AKAP13: variants seen among roughly 807,000 people sequenced by gnomAD.
AKAP13 encodes the protein A-kinase anchoring protein 13.
Under a neutral mutation model 264.5 loss-of-function variants are expected in AKAP13, and 80 were observed. That is an observed-to-expected ratio of 0.30 (90% confidence interval 0.25 to 0.36). AKAP13 has a LOEUF of 0.36. Ranked by LOEUF, AKAP13 falls within the 10% of genes least tolerant of loss-of-function variation. AKAP13 has a pLI of 1.00. For synonymous variants in AKAP13, 1,380 were observed against 1,250.2 expected, an observed-to-expected ratio of 1.10 and a Z score of -2.19; for missense variants, 3,712 against 3,435.2, an observed-to-expected ratio of 1.08 and a Z score of -2.01.
chr15:85,662,269 G>T, intron 12 of AKAP13: 6 of 931,088 alleles, frequency 6.4e-6, no homozygotes, highest in South Asian at 3.1e-5. Context: ...TAAATTTTTT[G>T]TTGATCGCAT....
intron 12 of AKAP13, among the ~76,000 whole-genome samples, chr15:85,661,544 G>A (rs1485496539): frequency 1.3e-5 from 2 of 151,834 alleles, no homozygotes; most frequent in Non-Finnish European, 2.9e-5. Flanking sequence ...CATGGTGAAA[G>A]CCCATCTCTA....
At chr15:85,407,440 A>AT (rs900206915) in intron 1 of AKAP13, among the ~76,000 whole-genome samples, 1 of 151,524 alleles carries the variant, frequency 6.6e-6, no homozygotes, top group Non-Finnish European at 1.5e-5. Flanking sequence ...GGGTTTCACC[A>AT]TGTTGGCCAG....
At chr15:85,744,314 T>A in intron 36 of AKAP13, 1 of 351,574 alleles carries the variant, frequency 2.8e-6, no homozygotes, top group East Asian at 7.6e-5. Context: ...TGTACCACTT[T>A]TTCCCCTGAA....
intron 14 of AKAP13, among the ~76,000 whole-genome samples, chr15:85,678,117 C>G (rs1307668959): frequency 2.0e-5 from 3 of 152,116 alleles, no homozygotes; most frequent in African/African-American, 7.2e-5. Flanking sequence ...AAGAAATTCC[C>G]CCTTCATGAA....
chr15:85,617,256 G>T (rs202163175), intron 8 of AKAP13, among the ~76,000 whole-genome samples: 2 of 151,194 alleles, frequency 1.3e-5, no homozygotes, highest in African/African-American at 4.9e-5. Context: ...TTTGTTTTTT[G>T]TTTTTTGAGG....
intron 5 of AKAP13, 159 bp downstream of exon 5, chr15:85,544,114 G>A (rs756884514): frequency 5.2e-5 from 43 of 834,692 alleles, no homozygotes; most frequent in East Asian, 2.9e-4. Context: ...GCTTGCTCCT[G>A]CTAACCACTT....
chr15:85,639,398 A>G lies in AKAP13; in HGVS notation c.4186A>G (p.Ile1396Val), dbSNP rs759760018. 1.2e-6 allele frequency: 2 copies of G among 1,612,494 alleles called. No homozygotes were observed. The highest frequency in any genetic ancestry group is 1.1e-5 in the South Asian group (1 of 91,062). ...QAINRENWCT[I>V]EPCPDAASLL... ...GATAAACCGAGAAAACTGGTGTACA[A>G]TAGAGCCATGCCCTGATGCAGCATC... Residue 1396 changes from isoleucine to valine, a missense_variant, in exon 9 of 37, where the codon ATA (isoleucine) becomes GTA (valine). Coordinates refer to ENST00000394518, the MANE Select transcript of AKAP13 (RefSeq NM_007200.5).
At chr15:85,707,282 GGCCCT>G (rs2086345915) in intron 17 of AKAP13, among the ~76,000 whole-genome samples, 1 of 152,188 alleles carries the variant, frequency 6.6e-6, no homozygotes, top group Non-Finnish European at 1.5e-5. Context: ...TTACGTCAGT[GGCCCT>G]TGTAGGCCAA....
At chr15:85,730,753 G>T in intron 30 of AKAP13, 46 bp downstream of exon 30, 2 of 1,521,438 alleles carry the variant, frequency 1.3e-6, no homozygotes, top group Middle Eastern at 1.8e-4. Context: ...CTCCCAGAGT[G>T]GTTTACACAC....
intron 10 of AKAP13, among the ~76,000 whole-genome samples, chr15:85,652,067 C>G (rs2082882469): frequency 6.6e-6 from 1 of 152,166 alleles, no homozygotes; most frequent in Non-Finnish European, 1.5e-5. Context: ...GAACTTTATT[C>G]TTACCAGATA....
In AKAP13 at chr15:85,735,084, G is replaced by C; in HGVS notation, c.7375G>C (p.Val2459Leu). 1 of 1,614,202 alleles carries C rather than the reference G, an allele frequency of 6.2e-7. No homozygotes were observed. The highest frequency in any genetic ancestry group is 8.5e-7 in the Non-Finnish European group (1 of 1,180,034). The change falls in exon 31 of 37, where the codon GTT becomes CTT. Residue 2459 changes from valine (V) to leucine (L), a missense_variant. Transcript: ENST00000394518. ...SPIEQDVVGP[V>L]SLPRRAETFG... ...CATTGAGCAAGATGTGGTCGGTCCC[G>C]TTTCCCTGCCCCGGAGAGCAGAGAC...
intron 5 of AKAP13, among the ~76,000 whole-genome samples, chr15:85,574,095 C>G (rs2078924623): frequency 6.6e-6 from 1 of 152,214 alleles, no homozygotes; most frequent in Admixed American, 6.5e-5. Context: ...GTATACCACA[C>G]TGTGTATCAA....
At chr15:85,489,029 C>T (rs2075652357) in intron 2 of AKAP13, among the ~76,000 whole-genome samples, 1 of 152,232 alleles carries the variant, frequency 6.6e-6, no homozygotes. Context: ...ATCTTGCCAT[C>T]ATGGAGCCTG....
intron 1 of AKAP13, among the ~76,000 whole-genome samples, chr15:85,416,242 C>G (rs1184703749): frequency 6.6e-6 from 1 of 152,156 alleles, no homozygotes; most frequent in Non-Finnish European, 1.5e-5. Context: ...ATGTTTAGCA[C>G]TGTGCCAGGT....
chr15:85,523,935 C>A (rs957930606), intron 3 of AKAP13, among the ~76,000 whole-genome samples: 4 of 151,872 alleles, frequency 2.6e-5, no homozygotes, highest in African/African-American at 7.3e-5. Context: ...CCTCAGATTT[C>A]CTGTTTGCTG....
chr15:85,454,121 G>A (rs1489879049), intron 1 of AKAP13, among the ~76,000 whole-genome samples: 2 of 152,296 alleles, frequency 1.3e-5, no homozygotes, highest in East Asian at 3.9e-4. Context: ...AGTGGGTCCT[G>A]TGGGCTCTTG....
chr15:85,553,659 A>G (rs79225996), intron 5 of AKAP13, among the ~76,000 whole-genome samples: 2,323 of 152,288 alleles, frequency 0.015, 33 homozygotes, highest in South Asian at 0.021. Flanking sequence ...AAAAGCACAT[A>G]AGGAGATTTG....
chr15:85,382,958 T>A (rs2070368219), intron 1 of AKAP13, among the ~76,000 whole-genome samples: 1 of 152,252 alleles, frequency 6.6e-6, no homozygotes, highest in Non-Finnish European at 1.5e-5. Flanking sequence ...AACCTTTTTT[T>A]AATCTGTCAA....
chr15:85,578,881 A>C (rs540747479), intron 6 of AKAP13, 49 bp from the exon 7 acceptor site: 1 of 1,566,160 alleles, frequency 6.4e-7, no homozygotes, highest in Non-Finnish European at 8.7e-7. Context: ...TGTCAGTGAC[A>C]TCTTCTCCTA....
Sources: allele counts gnomAD v4.1 joint callset (sites outside exome capture counted in the v4.1 genomes callset), GRCh38; gene constraint gnomAD v4.1.1; transcripts MANE v1.5; gene names NCBI Gene and HGNC (gene_info 2026-07-23, HGNC 2026-07-21).